Variants in HOATZ observed in about 807,000 individuals in gnomAD.
HOATZ encodes the protein HOATZ cilia and flagella associated protein, also known as cilia- and flagella-associated protein HOATZ.
A neutral mutation model predicts 24.9 loss-of-function variants in HOATZ; 26 were observed. The observed-to-expected ratio is 1.04, with a 90% CI of 0.76 to 1.45. The LOEUF (loss-of-function observed/expected upper bound fraction) is 1.45, where lower values mean the gene tolerates loss of function less well. Ranked by LOEUF, HOATZ falls within the 40% of genes most tolerant of loss-of-function variation. HOATZ has a pLI of 0.00. For missense variants in HOATZ, 226 were observed against 201.5 expected, an observed-to-expected ratio of 1.12 and a Z score of -0.74; for synonymous variants, 83 against 76.6, an observed-to-expected ratio of 1.08 and a Z score of -0.43.
intron 3 of HOATZ, among the ~76,000 whole-genome samples, chr11:111,531,984 C>T (rs1001643921): frequency 2.0e-5 from 3 of 152,268 alleles, no homozygotes; most frequent in East Asian, 3.9e-4. Context: ...TTTCCTCTGC[C>T]TTAAAAGCTT....
At position 111,516,126 on chromosome 11, in the gene HOATZ, A is replaced by G; in HGVS notation, c.339+16A>G. The G allele has an allele frequency of 6.7e-7, 1 of 1,482,532 alleles. No homozygotes were observed. Among genetic ancestry groups the G allele is most frequent in the Non-Finnish European group, 9.3e-7 (1 of 1,076,594 alleles). 91.8% of individuals were successfully genotyped at this position (1,482,532 alleles called of 1,614,324 possible). A position where few individuals can be genotyped will look rare whatever the true frequency, so the allele number is the denominator to read the frequency against. ...TCTCCAAAAGGTAGGCCAATATTTC[A>G]GAAGGTCATCTGATCATCATTAAAT... On this transcript the variant is annotated intron_variant, in intron 3 of 5. Transcript: ENST00000375618.
At chr11:111,528,822 GTGCATGTGTCTGAAGTCTGTGTGTGTT>G (rs1202535729) in intron 3 of HOATZ, among the ~76,000 whole-genome samples, 3 of 152,208 alleles carry the variant, frequency 2.0e-5, no homozygotes, top group Admixed American at 2.0e-4. Flanking sequence ...GTGTGTGTGT[GTGCATGTGTCTGAAGTCTGTGTGTGTT>G]TGAAGTCTGT....
intron 3 of HOATZ, among the ~76,000 whole-genome samples, chr11:111,524,169 G>GA (rs1416050805): frequency 6.6e-6 from 1 of 152,190 alleles, no homozygotes; most frequent in Non-Finnish European, 1.5e-5. Flanking sequence ...CATTTAATAG[G>GA]AAAACTTGCA....
chr11:111,524,852 C>T, intron 3 of HOATZ: 1 of 440,238 alleles, frequency 2.3e-6, no homozygotes, highest in Admixed American at 2.5e-5. Context: ...AGAAAATGTG[C>T]ATATTTTCTT....
At chr11:111,515,649 A>G in intron 2 of HOATZ, 97 bp downstream of exon 2, 2 of 1,066,528 alleles carry the variant, frequency 1.9e-6, no homozygotes. Context: ...CTGTGGTATA[A>G]CTTTCTGAAT....
At chr11:111,527,038 T>C (rs934990889) in intron 3 of HOATZ, among the ~76,000 whole-genome samples, 2 of 152,222 alleles carry the variant, frequency 1.3e-5, no homozygotes, top group African/African-American at 4.8e-5. Context: ...CATTTTATGC[T>C]CATATTTTCT....
chr11:111,536,987 C>G lies in HOATZ; in HGVS notation c.*160C>G, dbSNP rs1278509721. ...CAGGAATTTTACCAGTTAGTGAGTA[C>G]TTGTGTTAAAATAAAGAAATAAAGG... On this transcript the variant is annotated 3_prime_UTR_variant, in exon 6 of 6. Transcript: ENST00000375618. 1.7e-6 allele frequency: 1 copy of G among 597,466 alleles called. No homozygotes were observed. The allele number at this position is 597,466 out of a possible 1,614,324, so 37.0% of individuals were successfully genotyped here.
At chr11:111,536,691 A>G (rs1003331128) in intron 5 of HOATZ, 79 bp from the exon 6 acceptor site, 7 of 1,194,840 alleles carry the variant, frequency 5.9e-6, no homozygotes, top group Admixed American at 1.7e-5. Context: ...GAGAATTTTC[A>G]AAAGTTGTTT....
At chr11:111,527,288 C>G (rs1399850362) in intron 3 of HOATZ, among the ~76,000 whole-genome samples, 1 of 152,106 alleles carries the variant, frequency 6.6e-6, no homozygotes, top group Non-Finnish European at 1.5e-5. Context: ...TAAATTCATA[C>G]TTGATTGAAA....
intron 5 of HOATZ, 89 bp from the exon 6 acceptor site, chr11:111,536,681 G>C: frequency 1.9e-6 from 2 of 1,051,802 alleles, no homozygotes; most frequent in Admixed American, 3.5e-5. Context: ...TTTTTATTGG[G>C]AGAATTTTCA....
chr11:111,530,550 GTATAAA>G (rs1039916637), intron 3 of HOATZ, among the ~76,000 whole-genome samples: 1 of 152,012 alleles, frequency 6.6e-6, no homozygotes, highest in Non-Finnish European at 1.5e-5. Context: ...TTCAGGAATA[GTATAAA>G]TATAAATCAT....
intron 3 of HOATZ, among the ~76,000 whole-genome samples, chr11:111,523,059 A>G (rs968256108): frequency 2.0e-5 from 3 of 152,196 alleles, no homozygotes; most frequent in Non-Finnish European, 4.4e-5. Flanking sequence ...AGCCTGGGCA[A>G]CAAGAGCGAG....
Position 111,533,823 on chromosome 11 carries a change from G to A in HOATZ, c.399+18G>A. On this transcript the variant is annotated intron_variant, in intron 4 of 5. Coordinates refer to ENST00000375618, the MANE Select transcript of HOATZ (RefSeq NM_001100388.2). The stretch of plus-strand genomic sequence containing the variant: ...GGATCTCGGTGAGACCAATAGTGAG[G>A]CATTTGGATAATCTATCTGAGTGGA... The A allele has an allele frequency of 6.5e-7, 1 of 1,537,950 alleles. No homozygotes were observed. The highest frequency in any genetic ancestry group is 8.7e-7 in the Non-Finnish European group (1 of 1,148,112).
At chr11:111,520,223 C>T (rs1250149921) in intron 3 of HOATZ, among the ~76,000 whole-genome samples, 2 of 152,076 alleles carry the variant, frequency 1.3e-5, no homozygotes, top group Admixed American at 1.3e-4. Context: ...AACTAATTTG[C>T]TTTTTAGTTT....
intron 3 of HOATZ, among the ~76,000 whole-genome samples, chr11:111,527,676 A>G (rs906489426): frequency 6.6e-6 from 1 of 152,236 alleles, no homozygotes; most frequent in African/African-American, 2.4e-5. Context: ...ATTAGAGTAG[A>G]TATAAATTTC....
chr11:111,522,385 A>G lies in HOATZ; in HGVS notation c.339+6275A>G, dbSNP rs1434944069. Among the ~76,000 whole-genome samples, 8 of 152,316 alleles carry G rather than the reference A, an allele frequency of 5.3e-5. No homozygotes were observed. In the South Asian group the frequency reaches 6.2e-4, roughly 12 times the overall value. ...CAAATCAAATCGGGTTTATTGAAGAACTGGAATGATTCTGTGGATCAGGTA... is the reference window on the plus strand; with the variant it reads ...CAAATCAAATCGGGTTTATTGAAGAGCTGGAATGATTCTGTGGATCAGGTA... On this transcript the variant is annotated intron_variant, in intron 3 of 5. Transcript: ENST00000375618.
intron 3 of HOATZ, among the ~76,000 whole-genome samples, chr11:111,529,432 C>T (rs1391571289): frequency 2.6e-5 from 4 of 152,048 alleles, no homozygotes; most frequent in African/African-American, 9.7e-5. Context: ...GGTGCAATCT[C>T]GGCTCACTGC....
intron 3 of HOATZ, among the ~76,000 whole-genome samples, chr11:111,522,676 A>C (rs1453694221): frequency 6.6e-6 from 1 of 152,198 alleles, no homozygotes; most frequent in African/African-American, 2.4e-5. Flanking sequence ...GGCAGTTCCC[A>C]AGCCACTGTA....
chr11:111,531,781 A>C (rs551151252), intron 3 of HOATZ, among the ~76,000 whole-genome samples: 2 of 152,356 alleles, frequency 1.3e-5, no homozygotes, highest in African/African-American at 4.8e-5. Context: ...AAACAGAACG[A>C]TGCAAAGCCA....
Sources: gnomAD v4.1 joint callset for allele counts (sites outside exome capture counted in the v4.1 genomes callset) on GRCh38, gnomAD v4.1.1 for gene constraint, MANE v1.5 for transcripts, NCBI Gene and HGNC (gene_info 2026-07-23, HGNC 2026-07-21) for gene names.